PLXNA4: variants seen among roughly 807,000 people sequenced by gnomAD.
PLXNA4 encodes plexin A4.
In PLXNA4, 44 loss-of-function variants were observed where a neutral mutation model predicts 191.8. The observed-to-expected ratio is 0.23, with a 90% CI of 0.18 to 0.29. The LOEUF (loss-of-function observed/expected upper bound fraction) is 0.29, where lower values mean the gene tolerates loss of function less well. Among genes scored for constraint, PLXNA4 ranks in the 10% least tolerant of loss-of-function variants. PLXNA4 has a pLI of 1.00. For synonymous variants in PLXNA4, 1,082 were observed against 1,009.5 expected (o/e 1.07, Z -1.36); for missense variants, 1,800 against 2,488.8 (o/e 0.72, Z 5.89).
chr7:132,405,535 T>C (rs993084205), intron 3 of PLXNA4, among the ~76,000 whole-genome samples: 2 of 152,104 alleles, frequency 1.3e-5, no homozygotes, highest in East Asian at 1.9e-4. Flanking sequence ...CTTGGAAAGA[T>C]GGGTGACAGC....
chr7:132,317,293 T>G (rs1455167253), intron 3 of PLXNA4, among the ~76,000 whole-genome samples: 5 of 151,798 alleles, frequency 3.3e-5, no homozygotes, highest in African/African-American at 1.2e-4. Flanking sequence ...TTGAATTGGG[T>G]TGAGTTAGGT....
At chr7:132,208,795 G>A (rs902280351) in intron 10 of PLXNA4, among the ~76,000 whole-genome samples, 2 of 152,156 alleles carry the variant, frequency 1.3e-5, no homozygotes, top group South Asian at 4.1e-4. Context: ...CATGGGTGCC[G>A]ACCATGGTGC....
intron 3 of PLXNA4, among the ~76,000 whole-genome samples, chr7:132,318,161 G>C (rs1386455038): frequency 6.6e-6 from 1 of 152,144 alleles, no homozygotes; most frequent in Admixed American, 6.5e-5. Context: ...GGAGCGGAGA[G>C]GGCAGGGGTA....
intron 3 of PLXNA4, among the ~76,000 whole-genome samples, chr7:132,408,641 T>C (rs186275159): frequency 6.6e-6 from 1 of 152,226 alleles, no homozygotes; most frequent in Admixed American, 6.5e-5. Context: ...TTTTTTTCTA[T>C]TTTTAGTAGA....
rs564319180 is a variant in PLXNA4 at position 132,417,052 on chromosome 7, A to G, written c.1371+72240T>C. On this transcript the variant is annotated intron_variant, in intron 3 of 31. Transcript: ENST00000321063. Reference sequence around the variant, plus strand: ...AAGTCCTGCAACGGAATGTTGCTGAATGCCTTCTTGTCTGCACTAGAAATT... The same window carrying G: ...AAGTCCTGCAACGGAATGTTGCTGAGTGCCTTCTTGTCTGCACTAGAAATT... Among the ~76,000 whole-genome samples the G allele has an allele frequency of 6.6e-5, 10 of 152,296 alleles. No homozygotes were observed. In the East Asian group the frequency reaches 1.7e-3, roughly 26 times the overall value.
chr7:132,261,665 G>C (rs1288306165), intron 4 of PLXNA4, among the ~76,000 whole-genome samples: 1 of 152,200 alleles, frequency 6.6e-6, no homozygotes, highest in Non-Finnish European at 1.5e-5. Context: ...GGTCAGATGG[G>C]CACAGCCCTT....
At chr7:132,322,463 G>A (rs577504786) in intron 3 of PLXNA4, among the ~76,000 whole-genome samples, 15 of 152,154 alleles carry the variant, frequency 9.9e-5, no homozygotes, top group African/African-American at 1.9e-4. Flanking sequence ...GATTACAGGC[G>A]TGAGCCACCG....
chr7:132,205,372 CTG>C (rs1797581723), intron 10 of PLXNA4, among the ~76,000 whole-genome samples: 1 of 152,184 alleles, frequency 6.6e-6, no homozygotes, highest in Non-Finnish European at 1.5e-5. Context: ...GAGAGCTACT[CTG>C]TGATTCCGGT....
At chr7:132,641,147 A>T (rs1383122772) in intron 2 of PLXNA4, among the ~76,000 whole-genome samples, 1 of 152,222 alleles carries the variant, frequency 6.6e-6, no homozygotes, top group East Asian at 1.9e-4. Context: ...ATTCTTGCAC[A>T]CTAATGTAAC....
chr7:132,582,386 C>T (rs1262617899), intron 2 of PLXNA4, among the ~76,000 whole-genome samples: 1 of 152,178 alleles, frequency 6.6e-6, no homozygotes, highest in Non-Finnish European at 1.5e-5. Context: ...CTGTGGTTGC[C>T]AGCCTCCAAA....
chr7:132,196,673 C>A (rs1221292659), intron 13 of PLXNA4, among the ~76,000 whole-genome samples: 1 of 152,122 alleles, frequency 6.6e-6, no homozygotes, highest in Admixed American at 6.5e-5. Flanking sequence ...GGCTTCTAAC[C>A]CACATTTCCA....
chr7:132,219,588 C>G (rs1399800963), intron 9 of PLXNA4, among the ~76,000 whole-genome samples: 1 of 152,174 alleles, frequency 6.6e-6, no homozygotes, highest in African/African-American at 2.4e-5. Context: ...TGAGTAAGCT[C>G]TTCCCCTAGA....
chr7:132,493,885 C>A (rs894681235), intron 2 of PLXNA4, among the ~76,000 whole-genome samples: 5 of 152,222 alleles, frequency 3.3e-5, no homozygotes, highest in African/African-American at 1.2e-4. Flanking sequence ...TGAATCCCAA[C>A]TCTGCCACTT....
chr7:132,433,707 C>T (rs1415804743), intron 3 of PLXNA4, among the ~76,000 whole-genome samples: 1 of 152,128 alleles, frequency 6.6e-6, no homozygotes, highest in African/African-American at 2.4e-5. Context: ...AACAGAAGAC[C>T]TGACCTGTGA....
At chr7:132,548,339 C>A (rs956809931) in intron 1 of PLXNA4, among the ~76,000 whole-genome samples, 19 of 152,228 alleles carry the variant, frequency 1.2e-4, no homozygotes, top group Admixed American at 4.6e-4. Flanking sequence ...GAGGCTAGGG[C>A]AATTTCAAGT....
intron 3 of PLXNA4, among the ~76,000 whole-genome samples, chr7:132,347,286 G>A (rs897953602): frequency 6.6e-6 from 1 of 152,142 alleles, no homozygotes; most frequent in Non-Finnish European, 1.5e-5. Context: ...AAGAGCTCAA[G>A]GGCCCATATG....
chr7:132,132,124 C>T (rs1794945561), intron 31 of PLXNA4, among the ~76,000 whole-genome samples: 1 of 152,224 alleles, frequency 6.6e-6, no homozygotes. Flanking sequence ...TGACTAGAAG[C>T]CCAGGAAGAC....
chr7:132,209,198 G>A (rs78752714), intron 10 of PLXNA4, among the ~76,000 whole-genome samples: 1,720 of 152,336 alleles, frequency 0.011, 31 homozygotes, highest in African/African-American at 0.039. Context: ...CCAGTTTTAT[G>A]ACACTAGTGT....
chr7:132,374,203 T>C (rs6467436), intron 3 of PLXNA4, among the ~76,000 whole-genome samples: 53,964 of 152,082 alleles, frequency 0.35, 11,569 homozygotes, highest in African/African-American at 0.58. Context: ...CAATATGTGA[T>C]TGATTAGGGG....
Sources: gnomAD v4.1 joint callset for allele counts (sites outside exome capture counted in the v4.1 genomes callset) on GRCh38, gnomAD v4.1.1 for gene constraint, MANE v1.5 for transcripts, NCBI Gene and HGNC (gene_info 2026-07-23, HGNC 2026-07-21) for gene names.